The following MBD5 variants were observed in gnomAD, a reference collection of about 807,000 sequenced individuals.
MBD5 encodes the protein methyl-CpG binding domain protein 5.
A neutral mutation model predicts 117.3 loss-of-function variants in MBD5; 13 were observed. The ratio of observed to expected loss-of-function variants is 0.11; its 90% CI spans 0.07 to 0.18. The LOEUF (loss-of-function observed/expected upper bound fraction) is 0.18. MBD5 is among the 10% of genes least tolerant of loss of function. The pLI is 1.00. For synonymous variants in MBD5, 727 were observed against 766.4 expected (o/e 0.95, Z 0.85); for missense variants, 1,879 against 2,093.8 (o/e 0.90, Z 2.00).
chr2:148,139,661 A>C (rs1332507590), intron 1 of MBD5, among the ~76,000 whole-genome samples: 2 of 152,214 alleles, frequency 1.3e-5, no homozygotes, highest in Non-Finnish European at 2.9e-5. Context: ...CTCCCCAGAC[A>C]ACAAAAAGTA....
At chr2:148,389,131 C>G (rs1278778298) in intron 4 of MBD5, among the ~76,000 whole-genome samples, 1 of 148,594 alleles carries the variant, frequency 6.7e-6, no homozygotes, top group African/African-American at 2.5e-5. Context: ...CTGCTCCATC[C>G]ATGTTGCTGC....
chr2:148,363,496 G>A (rs1703602504), intron 4 of MBD5, among the ~76,000 whole-genome samples: 1 of 152,138 alleles, frequency 6.6e-6, no homozygotes, highest in Admixed American at 6.5e-5. Flanking sequence ...GCCTCCCAAA[G>A]TGCTGGGATT....
intron 1 of MBD5, among the ~76,000 whole-genome samples, chr2:148,065,557 T>C (rs140456162): frequency 6.6e-6 from 1 of 152,086 alleles, no homozygotes. Context: ...ACAAAATATG[T>C]CAAAAAAATC....
At chr2:148,049,891 A>G (rs147056102) in intron 1 of MBD5, among the ~76,000 whole-genome samples, 134 of 152,210 alleles carry the variant, frequency 8.8e-4, no homozygotes, top group African/African-American at 3.0e-3. Flanking sequence ...CAGTACTTCA[A>G]TCTCCTTTAT....
intron 1 of MBD5, among the ~76,000 whole-genome samples, chr2:148,128,602 A>G (rs1696959286): frequency 1.3e-5 from 2 of 152,212 alleles, no homozygotes; most frequent in African/African-American, 4.8e-5. Context: ...ATATATACAC[A>G]TATATGCATG....
chr2:148,121,737 A>C lies in MBD5; in HGVS notation c.-924-56963A>C, dbSNP rs1237153911. The stretch of plus-strand genomic sequence containing the variant: ...CCTGAATGAATGGATATGAAAAGCA[A>C]CACATCTTGCCATGAGGGGTTAGAT... On this transcript the variant is annotated intron_variant, in intron 1 of 13. Transcript: ENST00000642680. Among the ~76,000 whole-genome samples, 5 of 152,156 alleles carry C rather than the reference A, an allele frequency of 3.3e-5. No homozygotes were observed. In the East Asian group the frequency reaches 9.6e-4, roughly 29 times the overall value.
intron 4 of MBD5, among the ~76,000 whole-genome samples, chr2:148,432,251 A>T (rs1173107471): frequency 6.6e-6 from 1 of 152,018 alleles, no homozygotes; most frequent in African/African-American, 2.4e-5. Flanking sequence ...AATTTCTTAT[A>T]GATTCTGGAT....
At chr2:148,142,627 A>G (rs1228625183) in intron 1 of MBD5, among the ~76,000 whole-genome samples, 1 of 152,130 alleles carries the variant, frequency 6.6e-6, no homozygotes, top group African/African-American at 2.4e-5. Context: ...AAACACATAG[A>G]CAAATGAAAG....
chr2:148,398,237 C>G (rs1201744355), intron 4 of MBD5, among the ~76,000 whole-genome samples: 1 of 152,174 alleles, frequency 6.6e-6, no homozygotes, highest in African/African-American at 2.4e-5. Context: ...ACACTGACTT[C>G]CACAATGGTT....
At chr2:148,310,532 T>C (rs1198947525) in intron 3 of MBD5, among the ~76,000 whole-genome samples, 2 of 152,184 alleles carry the variant, frequency 1.3e-5, no homozygotes, top group African/African-American at 4.8e-5. Context: ...GATTCTTCTC[T>C]CTTTTCTTCT....
chr2:148,146,399 TTTTTTTA>T (rs1424511698), intron 1 of MBD5, among the ~76,000 whole-genome samples: 1 of 152,036 alleles, frequency 6.6e-6, no homozygotes. Flanking sequence ...ACCTGGCTAA[TTTTTTTA>T]TTTTTTATTT....
At chr2:148,278,098 T>C (rs1352961992) in intron 3 of MBD5, among the ~76,000 whole-genome samples, 3 of 152,206 alleles carry the variant, frequency 2.0e-5, no homozygotes, top group Non-Finnish European at 4.4e-5. Context: ...TCTGTCGCTG[T>C]AGTTTTGCTT....
At chr2:148,436,430 C>G (rs35253184) in intron 4 of MBD5, among the ~76,000 whole-genome samples, 1 of 151,920 alleles carries the variant, frequency 6.6e-6, no homozygotes, top group East Asian at 1.9e-4. Context: ...TGGAATGCAG[C>G]GATGTGATCT....
intron 1 of MBD5, among the ~76,000 whole-genome samples, chr2:148,066,591 T>A (rs1405889792): frequency 6.6e-6 from 1 of 151,588 alleles, no homozygotes; most frequent in Non-Finnish European, 1.5e-5. Flanking sequence ...GTTTTTCCTG[T>A]CTCAGCCTCC....
At chr2:148,372,439 G>T (rs931711023) in intron 4 of MBD5, among the ~76,000 whole-genome samples, 2 of 151,910 alleles carry the variant, frequency 1.3e-5, no homozygotes, top group East Asian at 3.8e-4. Flanking sequence ...GTGACACAGC[G>T]AAAAGAATAT....
At chr2:148,361,182 T>C (rs1460238404) in intron 4 of MBD5, among the ~76,000 whole-genome samples, 1 of 152,070 alleles carries the variant, frequency 6.6e-6, no homozygotes, top group Non-Finnish European at 1.5e-5. Flanking sequence ...AAACCCAATC[T>C]CTACTAAAAA....
chr2:148,240,127 T>G (rs1700182295), intron 3 of MBD5, among the ~76,000 whole-genome samples: 1 of 152,138 alleles, frequency 6.6e-6, no homozygotes, highest in South Asian at 2.1e-4. Context: ...GGGACATAGA[T>G]GAAGCTGGAA....
chr2:148,182,698 C>T (rs1220770657), intron 2 of MBD5, among the ~76,000 whole-genome samples: 1 of 152,130 alleles, frequency 6.6e-6, no homozygotes, highest in East Asian at 1.9e-4. Flanking sequence ...TTGGTCAATT[C>T]AGGTTTCCTT....
chr2:148,080,972 G>A (rs1441401731), intron 1 of MBD5, among the ~76,000 whole-genome samples: 1 of 152,106 alleles, frequency 6.6e-6, no homozygotes, highest in Non-Finnish European at 1.5e-5. Context: ...AGGAAGCTAA[G>A]ATTAAATACG....
Sources: gnomAD v4.1 joint callset for allele counts (sites outside exome capture counted in the v4.1 genomes callset) on GRCh38, gnomAD v4.1.1 for gene constraint, MANE v1.5 for transcripts, NCBI Gene and HGNC (gene_info 2026-07-23, HGNC 2026-07-21) for gene names.